Variants in AFF3 observed in about 807,000 individuals in gnomAD.
AFF3 encodes the protein ALF transcription elongation factor 3, also known as AF4/FMR2 family member 3.
Under a neutral mutation model 129.7 loss-of-function variants are expected in AFF3, and 32 were observed. The observed-to-expected ratio is 0.25, with a 90% CI of 0.19 to 0.33. AFF3 has a LOEUF of 0.33. AFF3 is among the 10% of genes least tolerant of loss of function. AFF3 has a pLI of 1.00. For synonymous variants in AFF3, 644 were observed against 635.4 expected (o/e 1.01, Z -0.20); for missense variants, 1,373 against 1,592.0 (o/e 0.86, Z 2.34).
intron 7 of AFF3, among the ~76,000 whole-genome samples, chr2:99,918,605 A>G (rs1174268223): frequency 6.6e-6 from 1 of 152,194 alleles, no homozygotes; most frequent in African/African-American, 2.4e-5. Context: ...CTGACAACAA[A>G]TATTTATGAG....
At chr2:100,075,163 C>G (rs1216588911) in intron 4 of AFF3, among the ~76,000 whole-genome samples, 1 of 152,078 alleles carries the variant, frequency 6.6e-6, no homozygotes, top group East Asian at 1.9e-4. Flanking sequence ...GCAGAAGACC[C>G]ATTTACGGGG....
At chr2:100,011,179 C>T (rs1488447836) in intron 4 of AFF3, among the ~76,000 whole-genome samples, 1 of 152,102 alleles carries the variant, frequency 6.6e-6, no homozygotes, top group Non-Finnish European at 1.5e-5. Context: ...GAGGCTGAGG[C>T]AGGAGAACGG....
intron 12 of AFF3, among the ~76,000 whole-genome samples, chr2:99,666,314 G>A (rs1193284578): frequency 1.3e-5 from 2 of 152,142 alleles, no homozygotes; most frequent in Non-Finnish European, 2.9e-5. Context: ...AGGATATTAA[G>A]GGAGAAAGCA....
chr2:99,613,372 A>T (rs1681113159), intron 13 of AFF3, among the ~76,000 whole-genome samples: 1 of 152,180 alleles, frequency 6.6e-6, no homozygotes, highest in African/African-American at 2.4e-5. Flanking sequence ...CTAATCTCAG[A>T]ACCTTTTAGA....
chr2:100,104,208 G>A (rs947278183), intron 4 of AFF3, among the ~76,000 whole-genome samples, 194 bp downstream of exon 4: 17 of 151,946 alleles, frequency 1.1e-4, no homozygotes, highest in African/African-American at 3.6e-4. Flanking sequence ...AGGAGAGGGG[G>A]AAACAGACGG....
intron 13 of AFF3, among the ~76,000 whole-genome samples, chr2:99,637,531 A>T (rs2105458591): frequency 6.6e-6 from 1 of 152,320 alleles, no homozygotes; most frequent in Non-Finnish European, 1.5e-5. Flanking sequence ...TGCAAAATTA[A>T]AAAGGGGGGA....
intron 8 of AFF3, among the ~76,000 whole-genome samples, chr2:99,833,920 G>T (rs1204692167): frequency 6.6e-6 from 1 of 152,066 alleles, no homozygotes. Flanking sequence ...TAGGTCCCAG[G>T]AATAAAACTC....
intron 8 of AFF3, among the ~76,000 whole-genome samples, chr2:99,758,726 C>G (rs781108374): frequency 2.0e-5 from 3 of 152,004 alleles, no homozygotes; most frequent in Non-Finnish European, 2.9e-5. Flanking sequence ...GTCACTTATG[C>G]CCAATCTTTA....
At chr2:100,055,581 T>C (rs1047868481) in intron 4 of AFF3, among the ~76,000 whole-genome samples, 3 of 152,116 alleles carry the variant, frequency 2.0e-5, no homozygotes, top group African/African-American at 7.2e-5. Context: ...TAAGAATGCT[T>C]TAGGTGATTC....
At chr2:99,715,863 A>G (rs1011927873) in intron 11 of AFF3, among the ~76,000 whole-genome samples, 5 of 151,866 alleles carry the variant, frequency 3.3e-5, no homozygotes, top group Non-Finnish European at 1.5e-5. Flanking sequence ...TAGTAGAGAC[A>G]GGGTTTCACC....
intron 7 of AFF3, among the ~76,000 whole-genome samples, chr2:99,875,641 G>A (rs1383213868): frequency 6.6e-6 from 1 of 152,192 alleles, no homozygotes; most frequent in East Asian, 1.9e-4. Flanking sequence ...AGGGGTACCG[G>A]GCATGGCAAG....
intron 8 of AFF3, among the ~76,000 whole-genome samples, chr2:99,765,730 T>C (rs1682957164): frequency 1.3e-5 from 2 of 152,334 alleles, no homozygotes; most frequent in South Asian, 4.1e-4. Flanking sequence ...AGGGGATAAA[T>C]ATAGAAGACG....
At chr2:99,894,962 A>C (rs1693835518) in intron 7 of AFF3, among the ~76,000 whole-genome samples, 1 of 152,202 alleles carries the variant, frequency 6.6e-6, no homozygotes, top group Admixed American at 6.5e-5. Flanking sequence ...GAACCACGCT[A>C]TGTACAGGTG....
chr2:99,862,299 C>T (rs1691054111), intron 7 of AFF3, among the ~76,000 whole-genome samples: 1 of 152,144 alleles, frequency 6.6e-6, no homozygotes, highest in South Asian at 2.1e-4. Context: ...AGCTTCCGGC[C>T]AGGGACTGTC....
At chr2:99,770,434 G>T (rs1456760008) in intron 8 of AFF3, among the ~76,000 whole-genome samples, 2 of 152,126 alleles carry the variant, frequency 1.3e-5, no homozygotes, top group Middle Eastern at 6.3e-3. Flanking sequence ...AACAGCCAAG[G>T]CCTGGAATCA....
intron 12 of AFF3, among the ~76,000 whole-genome samples, chr2:99,654,436 T>C (rs1685564002): frequency 6.6e-6 from 1 of 152,168 alleles, no homozygotes; most frequent in African/African-American, 2.4e-5. Flanking sequence ...CTATTTTATT[T>C]TACTACTGGA....
At chr2:99,701,791 G>A (rs1034081300) in intron 11 of AFF3, among the ~76,000 whole-genome samples, 6 of 152,196 alleles carry the variant, frequency 3.9e-5, no homozygotes, top group Admixed American at 2.0e-4. Flanking sequence ...CACCACAAAC[G>A]TCTTTCATGC....
intron 8 of AFF3, among the ~76,000 whole-genome samples, chr2:99,808,881 C>T (rs1353809988): frequency 6.6e-6 from 1 of 152,192 alleles, no homozygotes; most frequent in Non-Finnish European, 1.5e-5. Flanking sequence ...GTTAAACAAT[C>T]ATGTGTTTTT....
chr2:99,684,439 G>A (rs1224427061), intron 11 of AFF3, among the ~76,000 whole-genome samples: 1 of 152,126 alleles, frequency 6.6e-6, no homozygotes, highest in Non-Finnish European at 1.5e-5. Flanking sequence ...ACTAGATGGA[G>A]GCTTTCACAC....
Sources: gnomAD v4.1 joint callset for allele counts (sites outside exome capture counted in the v4.1 genomes callset) on GRCh38, gnomAD v4.1.1 for gene constraint, MANE v1.5 for transcripts, NCBI Gene and HGNC (gene_info 2026-07-23, HGNC 2026-07-21) for gene names.